Variants in ZC3H12D observed in about 807,000 individuals in gnomAD.
The protein encoded by ZC3H12D is probable ribonuclease ZC3H12D.
In ZC3H12D, 11 loss-of-function variants were observed where a neutral mutation model predicts 24.2. The ratio of observed to expected loss-of-function variants is 0.46; its 90% CI spans 0.29 to 0.75. The LOEUF is 0.75. Ranked by LOEUF, ZC3H12D falls within the 30% of genes least tolerant of loss-of-function variation. The probability of loss-of-function intolerance (pLI) is 0.11; values close to 1 mark genes in which losing one functional copy is unlikely to be tolerated. For synonymous variants in ZC3H12D, 333 were observed against 341.8 expected, an observed-to-expected ratio of 0.97 and a Z score of 0.28; for missense variants, 740 against 767.7, an observed-to-expected ratio of 0.96 and a Z score of 0.43.
rs1472653597 is a variant in ZC3H12D, at chr6:149,458,119, TTTTC to T, written c.446-1223_446-1220del. On this transcript the variant is annotated intron_variant, in intron 3 of 5. Transcript: ENST00000409806. ...TTTCTTTCTTTCTTTTTCTTTTTTT[TTTTC>T]GTTTCTTTTTTTTTTTTTTTTTTTT... Among the ~76,000 whole-genome samples, 120 of 128,076 alleles carry T rather than the reference TTTTC, an allele frequency of 9.4e-4. 2 individuals are homozygous for T. Among genetic ancestry groups the T allele is most frequent in the African/African-American group, 4.9e-3 (116 of 23,444 alleles). The allele number at this position is 128,076 out of a possible 152,430, so 84.0% of individuals were successfully genotyped here.
rs12196181 is a variant in ZC3H12D at position 149,448,399 on chromosome 6, G to A, written c.*2284C>T. 1.3e-5 allele frequency: 2 copies of A among 152,000 alleles called. No homozygotes were observed. Among genetic ancestry groups the A allele is most frequent in the Non-Finnish European group, 2.9e-5 (2 of 68,016 alleles). The allele number at this position is 152,000 out of a possible 1,614,324, so 9.4% of individuals were successfully genotyped here. ...TCTTTACAAAAAATAGAAAAAATTA[G>A]CTGGACGTGGTGGCACAACTGTAGT... On this transcript the variant is annotated 3_prime_UTR_variant, in exon 6 of 6. Coordinates refer to ENST00000409806, the MANE Select transcript of ZC3H12D (RefSeq NM_207360.3).
At chr6:149,473,641 A>C (rs1776283411) in intron 2 of ZC3H12D, among the ~76,000 whole-genome samples, 1 of 152,196 alleles carries the variant, frequency 6.6e-6, no homozygotes, top group Non-Finnish European at 1.5e-5. Context: ...AGGGGGCCAC[A>C]AACAAATCTC....
chr6:149,455,635 G>T (rs189969842), intron 4 of ZC3H12D, among the ~76,000 whole-genome samples: 1 of 152,284 alleles, frequency 6.6e-6, no homozygotes, highest in Admixed American at 6.5e-5. Context: ...GGTCTGGGAT[G>T]AACTGACCCA....
rs763023237 is a variant in ZC3H12D, at chr6:149,450,978, C to A, written c.1289G>T (p.Arg430Leu). 1 of 1,519,978 alleles carries A rather than the reference C, an allele frequency of 6.6e-7. No homozygotes were observed. Among genetic ancestry groups the A allele is most frequent in the Non-Finnish European group, 8.8e-7 (1 of 1,136,834 alleles). The allele number at this position is 1,519,978 out of a possible 1,614,324, so 94.2% of individuals were successfully genotyped here. Residue 430 changes from arginine (R) to leucine (L), a missense_variant, in exon 6 of 6, where the codon CGC (arginine) becomes CTC (leucine). By Grantham distance (102) the Arg-to-Leu change is moderately radical (BLOSUM62 -2). Coordinates refer to ENST00000409806, the MANE Select transcript of ZC3H12D (RefSeq NM_207360.3). ...RDLHGDLLSP[R>L]RPPDDPWARP... ...GGCCCACGGGTCGTCGGGTGGCCTG[C>A]GCGGGGAAAGCAAGTCGCCGTGCAG...
chr6:149,454,188 C>G (rs779649915), intron 4 of ZC3H12D, among the ~76,000 whole-genome samples: 4 of 152,182 alleles, frequency 2.6e-5, no homozygotes, highest in Non-Finnish European at 4.4e-5. Flanking sequence ...GGCATGGAGC[C>G]CTAATGAGGA....
At chr6:149,471,864 A>G (rs431978) in intron 2 of ZC3H12D, among the ~76,000 whole-genome samples, 73,612 of 152,158 alleles carry the variant, frequency 0.48, 20,356 homozygotes, top group African/African-American at 0.76. Flanking sequence ...TGTCCCACTC[A>G]GTCTTTAAGC....
At chr6:149,465,364 A>AG (rs1776137440) in intron 2 of ZC3H12D, among the ~76,000 whole-genome samples, 1 of 151,584 alleles carries the variant, frequency 6.6e-6, no homozygotes, top group Admixed American at 6.6e-5. Context: ...AAAAAAAAAA[A>AG]AAAAATGAAG....
At chr6:149,457,639 C>T (rs1274949987) in intron 3 of ZC3H12D, among the ~76,000 whole-genome samples, 1 of 152,146 alleles carries the variant, frequency 6.6e-6, no homozygotes, top group Non-Finnish European at 1.5e-5. Flanking sequence ...CAAGTGAGTG[C>T]GAGTTCTTGC....
intron 1 of ZC3H12D, among the ~76,000 whole-genome samples, chr6:149,481,120 C>T (rs1450350142): frequency 1.3e-5 from 2 of 151,852 alleles, no homozygotes; most frequent in African/African-American, 4.8e-5. Flanking sequence ...GCTCTTCGCT[C>T]ACCCAGAACA....
intron 3 of ZC3H12D, 23 bp downstream of exon 3, chr6:149,461,808 A>G: frequency 6.5e-7 from 1 of 1,548,002 alleles, no homozygotes; most frequent in Non-Finnish European, 8.7e-7. Flanking sequence ...GTACCTCTTG[A>G]GCATACATCT....
chr6:149,468,381 T>A (rs1244329601), intron 2 of ZC3H12D, among the ~76,000 whole-genome samples: 1 of 152,190 alleles, frequency 6.6e-6, no homozygotes, highest in African/African-American at 2.4e-5. Flanking sequence ...GTAGCTGCAA[T>A]CAGAGTGCCA....
chr6:149,465,733 C>T (rs1382567561), intron 2 of ZC3H12D, among the ~76,000 whole-genome samples: 9 of 103,688 alleles, frequency 8.7e-5, no homozygotes, highest in East Asian at 2.6e-4. Flanking sequence ...CCAGCCTGGG[C>T]GACAGAGCGA....
Position 149,456,637 on chromosome 6 carries a change from C to CCCGGGGGG in ZC3H12D, c.680+28_680+29insCCCCCCGG. 55 of 1,554,610 alleles carry CCCGGGGGG rather than the reference C, an allele frequency of 3.5e-5. No homozygotes were observed. Among genetic ancestry groups the CCCGGGGGG allele is most frequent in the Middle Eastern group, 1.7e-4 (1 of 5,838 alleles). On this transcript the variant is annotated intron_variant, in intron 4 of 5. Transcript: ENST00000409806. The surrounding 1 kb of genome is among the most constrained non-coding windows in gnomAD (Gnocchi z 4.3). ...CCCGGCCCCCCGCCCCGCCGCCCCC[C>CCCGGGGGG]AGGGTGTCAGGACCCCAGCCGGACC...
chr6:149,471,569 G>A (rs1434452982), intron 2 of ZC3H12D, among the ~76,000 whole-genome samples: 2 of 152,190 alleles, frequency 1.3e-5, no homozygotes, highest in East Asian at 3.9e-4. Context: ...CCCTTTAAGT[G>A]TCTATTGAAA....
chr6:149,471,243 T>C (rs1348320631), intron 2 of ZC3H12D, among the ~76,000 whole-genome samples: 5 of 152,216 alleles, frequency 3.3e-5, no homozygotes, highest in Admixed American at 2.0e-4. Flanking sequence ...GGGCTAAACA[T>C]TCTAAAGCAC....
intron 3 of ZC3H12D, among the ~76,000 whole-genome samples, chr6:149,461,065 G>A (rs1422311499): frequency 2.0e-5 from 3 of 152,126 alleles, no homozygotes; most frequent in Non-Finnish European, 4.4e-5. Flanking sequence ...TGAAGAGGCT[G>A]GGTGAGGTGG....
intron 2 of ZC3H12D, among the ~76,000 whole-genome samples, chr6:149,469,412 G>A (rs1383407741): frequency 1.3e-5 from 2 of 151,864 alleles, no homozygotes; most frequent in Non-Finnish European, 2.9e-5. Flanking sequence ...GAGCCGAGAT[G>A]GCGCCACTGC....
intron 4 of ZC3H12D, among the ~76,000 whole-genome samples, chr6:149,455,456 C>T (rs985460386): frequency 6.6e-6 from 1 of 152,176 alleles, no homozygotes; most frequent in East Asian, 1.9e-4. Flanking sequence ...GCTAACACTG[C>T]CTGGAACAGA....
At position 149,462,298 on chromosome 6, in the gene ZC3H12D, C is replaced by T. The variant is rs568848600; in HGVS notation, c.306-328G>A. On this transcript the variant is annotated intron_variant, in intron 2 of 5. Coordinates refer to ENST00000409806, the MANE Select transcript of ZC3H12D (RefSeq NM_207360.3). ...CTGGGGCAGGAAAATCACTTGAACC[C>T]GAAAGATGGAGGATTCAGTGAGCTG... Among the ~76,000 whole-genome samples the T allele has an allele frequency of 1.2e-4, 18 of 152,154 alleles. No individual in the cohort carries two copies. In the South Asian group the frequency reaches 2.9e-3, roughly 25 times the overall value.
Sources: gnomAD v4.1 joint callset for allele counts (sites outside exome capture counted in the v4.1 genomes callset) on GRCh38, gnomAD v4.1.1 for gene constraint, Gnocchi (gnomAD v3.1) non-coding constraint, MANE v1.5 for transcripts, NCBI Gene and HGNC (gene_info 2026-07-23, HGNC 2026-07-21) for gene names.